USP32: variants seen among roughly 807,000 people sequenced by gnomAD.
The protein encoded by USP32 is ubiquitin carboxyl-terminal hydrolase 32.
USP32 carries 59 observed loss-of-function variants against 204.8 expected under a neutral mutation model. The ratio of observed to expected loss-of-function variants is 0.29; its 90% CI spans 0.23 to 0.36. The LOEUF (loss-of-function observed/expected upper bound fraction) is 0.36. USP32 is among the 10% of genes least tolerant of loss of function. The pLI, the probability that USP32 is intolerant of heterozygous loss-of-function variation, is 1.00. For synonymous variants in USP32, 517 were observed against 678.4 expected, an observed-to-expected ratio of 0.76 and a Z score of 3.70; for missense variants, 1,160 against 1,946.4, an observed-to-expected ratio of 0.60 and a Z score of 7.60.
At chr17:60,310,120 TC>T (rs2087820009) in intron 2 of USP32, among the ~76,000 whole-genome samples, 1 of 152,044 alleles carries the variant, frequency 6.6e-6, no homozygotes, top group East Asian at 1.9e-4. Flanking sequence ...AAAGGGAAAC[TC>T]TTGTACACCA....
intron 28 of USP32, among the ~76,000 whole-genome samples, chr17:60,192,282 C>T (rs1436113645): frequency 1.3e-5 from 2 of 152,016 alleles, no homozygotes; most frequent in Non-Finnish European, 2.9e-5. Context: ...CAGAGCGAGA[C>T]TCCATCTCAA....
intron 5 of USP32, among the ~76,000 whole-genome samples, chr17:60,276,941 A>G (rs2086853282): frequency 7.5e-6 from 1 of 133,628 alleles, no homozygotes; most frequent in African/African-American, 3.7e-5. Context: ...AGTAGATTAC[A>G]TATACATATA....
chr17:60,186,126 A>T (rs1216945402), intron 29 of USP32, among the ~76,000 whole-genome samples: 1 of 152,196 alleles, frequency 6.6e-6, no homozygotes, highest in Non-Finnish European at 1.5e-5. Context: ...TTATTCACAA[A>T]TGTTACATCG....
At chr17:60,242,558 G>A (rs1783866796) in intron 11 of USP32, among the ~76,000 whole-genome samples, 1 of 152,068 alleles carries the variant, frequency 6.6e-6, no homozygotes, top group African/African-American at 2.4e-5. Context: ...CTACAGTCGT[G>A]TGCCACCATG....
intron 1 of USP32, among the ~76,000 whole-genome samples, chr17:60,382,951 A>G (rs892195202): frequency 2.6e-5 from 4 of 152,178 alleles, no homozygotes; most frequent in African/African-American, 9.7e-5. Flanking sequence ...ACTATCATTT[A>G]AAACTTTAAG....
intron 2 of USP32, among the ~76,000 whole-genome samples, chr17:60,333,002 G>A (rs936939234): frequency 1.3e-5 from 2 of 151,908 alleles, no homozygotes; most frequent in African/African-American, 4.8e-5. Flanking sequence ...TTTCTATTTT[G>A]AAAGAGAGAA....
At chr17:60,292,437 T>C (rs147489517) in intron 4 of USP32, among the ~76,000 whole-genome samples, 61 of 152,318 alleles carry the variant, frequency 4.0e-4, no homozygotes, top group African/African-American at 1.1e-3. Flanking sequence ...ACTTTCTTGA[T>C]ATCCAACCCC....
At chr17:60,384,975 C>G (rs1015715944) in intron 1 of USP32, among the ~76,000 whole-genome samples, 1 of 152,144 alleles carries the variant, frequency 6.6e-6, no homozygotes, top group Admixed American at 6.5e-5. Flanking sequence ...CAGGTGTTGT[C>G]AGGCCTCTGA....
rs544442442 is a variant in USP32, at chr17:60,371,463, G to T, written c.58+20419C>A. On this transcript the variant is annotated intron_variant, in intron 1 of 33. Transcript: ENST00000300896. ...ACGCCTATATAATCCCAGCTACTCA[G>T]GAAGCTGAGGCAGGAGAATCGCTTG... Among the ~76,000 whole-genome samples, 3 of 151,876 alleles carry T rather than the reference G, an allele frequency of 2.0e-5. No individual in the cohort carries two copies. In the South Asian group the frequency reaches 6.2e-4, roughly 32 times the overall value.
intron 1 of USP32, among the ~76,000 whole-genome samples, chr17:60,372,031 T>C (rs1322407361): frequency 2.0e-5 from 3 of 152,108 alleles, no homozygotes; most frequent in Non-Finnish European, 2.9e-5. Flanking sequence ...CATATAACTA[T>C]TGCGGTAGGA....
intron 2 of USP32, among the ~76,000 whole-genome samples, chr17:60,331,482 T>C (rs2088381674): frequency 6.6e-6 from 1 of 151,274 alleles, no homozygotes; most frequent in Admixed American, 6.6e-5. Flanking sequence ...GGAGGATCAC[T>C]TGAGCCTGGG....
At chr17:60,310,569 C>T (rs1006347116) in intron 2 of USP32, among the ~76,000 whole-genome samples, 27 of 151,892 alleles carry the variant, frequency 1.8e-4, no homozygotes, top group African/African-American at 4.1e-4. Context: ...CGTGGTGGCA[C>T]GCGCCTATAG....
At chr17:60,314,344 T>C (rs924371784) in intron 2 of USP32, among the ~76,000 whole-genome samples, 18 of 152,076 alleles carry the variant, frequency 1.2e-4, no homozygotes, top group African/African-American at 3.9e-4. Flanking sequence ...GGTTTCACCA[T>C]GTTGCCCAGG....
intron 5 of USP32, among the ~76,000 whole-genome samples, chr17:60,284,442 G>A (rs913802921): frequency 2.6e-5 from 4 of 151,362 alleles, no homozygotes; most frequent in South Asian, 4.2e-4. Context: ...GGCTGGTCTC[G>A]AACTCCTAAC....
intron 2 of USP32, chr17:60,316,224 T>C: frequency 5.3e-6 from 1 of 189,768 alleles, no homozygotes; most frequent in Non-Finnish European, 1.1e-5. Flanking sequence ...CTTAAGAATA[T>C]GCTATGATGA....
chr17:60,416,657 G>A (rs930356528), intron 1 of USP32, among the ~76,000 whole-genome samples: 1 of 152,034 alleles, frequency 6.6e-6, no homozygotes, highest in Non-Finnish European at 1.5e-5. Context: ...CTGCTGTTAG[G>A]TTCAATTGTC....
chr17:60,392,752 G>A (rs534764621), upstream of USP32: 2 of 350,130 alleles, frequency 5.7e-6, no homozygotes, highest in Admixed American at 7.2e-5. Context: ...CACACCTAGC[G>A]GGAGATCCCT....
chr17:60,379,274 T>C (rs916600200), intron 1 of USP32, among the ~76,000 whole-genome samples: 3 of 152,176 alleles, frequency 2.0e-5, no homozygotes, highest in Non-Finnish European at 4.4e-5. Context: ...TTGAGGCAAA[T>C]AGTTTTTTAA....
intron 3 of USP32, among the ~76,000 whole-genome samples, chr17:60,300,312 G>A (rs2087541444): frequency 6.6e-6 from 1 of 152,104 alleles, no homozygotes; most frequent in Non-Finnish European, 1.5e-5. Flanking sequence ...GGGGACAGAA[G>A]ACCTTATAAA....
Sources: allele counts gnomAD v4.1 joint callset (sites outside exome capture counted in the v4.1 genomes callset), GRCh38; gene constraint gnomAD v4.1.1; transcripts MANE v1.5; gene names NCBI Gene and HGNC (gene_info 2026-07-23, HGNC 2026-07-21).